The following PBX4 variants were observed in gnomAD, a reference collection of about 807,000 sequenced individuals.
PBX4 encodes the protein PBX homeobox 4.
In PBX4, 26 loss-of-function variants were observed where a neutral mutation model predicts 35.1. That is an observed-to-expected ratio of 0.74 (90% CI 0.54 to 1.03). The LOEUF is 1.03. PBX4 is among the 50% of genes least tolerant of loss of function. The pLI is 0.00. For synonymous variants in PBX4, 199 were observed against 204.2 expected, an observed-to-expected ratio of 0.97 and a Z score of 0.22; for missense variants, 448 against 504.3, an observed-to-expected ratio of 0.89 and a Z score of 1.07.
At chr19:19,575,399 C>T (rs1234647159) in intron 2 of PBX4, among the ~76,000 whole-genome samples, 1 of 152,138 alleles carries the variant, frequency 6.6e-6, no homozygotes, top group Non-Finnish European at 1.5e-5. Flanking sequence ...CACCCTTGGA[C>T]AGCCAGGTAA....
In PBX4 at chr19:19,607,203, G is replaced by A. The variant is rs536619627; in HGVS notation, c.120-7838C>T. On this transcript the variant is annotated intron_variant, in intron 1 of 7. Coordinates refer to ENST00000251203, the MANE Select transcript of PBX4 (RefSeq NM_025245.3). ...CAAGTAGCTGGGATTACAGGTATACGCCACCACTCCTGGCTAATTTTTATA... is the reference window on the plus strand; with the variant it reads ...CAAGTAGCTGGGATTACAGGTATACACCACCACTCCTGGCTAATTTTTATA... 5.6e-3 allele frequency among the ~76,000 whole-genome samples: 849 copies of A among 152,030 alleles called. 17 individuals are homozygous for A. The highest frequency in any genetic ancestry group is 4.5e-3 in the Non-Finnish European group (303 of 68,002).
chr19:19,609,469 A>C (rs983977508), intron 1 of PBX4, among the ~76,000 whole-genome samples: 5 of 149,116 alleles, frequency 3.4e-5, no homozygotes, highest in African/African-American at 1.0e-4. Context: ...GAATCGCTTG[A>C]ACCCGGGAGG....
intron 4 of PBX4, 58 bp downstream of exon 4, chr19:19,570,051 T>C (rs8108769): frequency 1.3e-6 from 2 of 1,510,802 alleles, no homozygotes; most frequent in Non-Finnish European, 1.8e-6. Flanking sequence ...GCCAGCACTA[T>C]TTCCCTCCAG....
At chr19:19,572,380 G>A (rs1792761466) in intron 2 of PBX4, among the ~76,000 whole-genome samples, 1 of 151,856 alleles carries the variant, frequency 6.6e-6, no homozygotes, top group African/African-American at 2.4e-5. Context: ...GCCAGAATCA[G>A]GCTATCTTAA....
chr19:19,569,199 C>T (rs933770951), intron 5 of PBX4, among the ~76,000 whole-genome samples: 1 of 152,178 alleles, frequency 6.6e-6, no homozygotes, highest in Non-Finnish European at 1.5e-5. Flanking sequence ...GCTGAGACCA[C>T]AGGTGCACAC....
intron 2 of PBX4, among the ~76,000 whole-genome samples, chr19:19,580,246 A>G (rs572613172): frequency 6.6e-6 from 1 of 152,310 alleles, no homozygotes; most frequent in South Asian, 2.1e-4. Flanking sequence ...AGGAGAAAAC[A>G]TGGGGACTTC....
intron 2 of PBX4, chr19:19,588,251 C>T (rs991755809): frequency 1.5e-6 from 2 of 1,319,590 alleles, no homozygotes; most frequent in African/African-American, 1.4e-5. Context: ...CACACAGAGC[C>T]CCGGTAAGAT....
At chr19:19,601,252 T>C (rs1479327323) in intron 1 of PBX4, among the ~76,000 whole-genome samples, 1 of 152,100 alleles carries the variant, frequency 6.6e-6, no homozygotes, top group Non-Finnish European at 1.5e-5. Flanking sequence ...GAGAGAGGTA[T>C]GGTTTAGGCA....
intron 2 of PBX4, among the ~76,000 whole-genome samples, chr19:19,588,946 G>A (rs917308764): frequency 1.6e-4 from 25 of 152,156 alleles, no homozygotes; most frequent in African/African-American, 5.8e-4. Flanking sequence ...GACCAGCCTG[G>A]GCAACACAGC....
At position 19,618,449 on chromosome 19, in the gene PBX4, C is replaced by T. The variant is rs748535511; in HGVS notation, c.119+62G>A. The T allele has an allele frequency of 1.1e-3, 1,422 of 1,344,544 alleles. 2 individuals are homozygous for T. Among genetic ancestry groups the T allele is most frequent in the South Asian group, 1.5e-3 (85 of 57,724 alleles). 83.3% of individuals were successfully genotyped at this position (1,344,544 alleles called of 1,614,324 possible). On this transcript the variant is annotated intron_variant, in intron 1 of 7. Coordinates refer to ENST00000251203, the MANE Select transcript of PBX4 (RefSeq NM_025245.3). ...CAGTCTGGCCTCCACGCCCCGTCCC[C>T]TCAGCCCGCCAACCTCACTGCCACG...
intron 2 of PBX4, among the ~76,000 whole-genome samples, chr19:19,572,750 A>T (rs2061392373): frequency 6.8e-6 from 1 of 147,078 alleles, no homozygotes; most frequent in Admixed American, 6.9e-5. Flanking sequence ...GCTACTTGGG[A>T]GGCTGAGGCA....
At chr19:19,570,880 A>G (rs1204260049) in intron 2 of PBX4, 47 bp from the exon 3 acceptor site, 2 of 1,597,062 alleles carry the variant, frequency 1.3e-6, no homozygotes, top group South Asian at 2.2e-5. Flanking sequence ...TTCTGGAGAG[A>G]AAACAAACCA....
In PBX4 at chr19:19,609,377, C is replaced by G. The variant is rs536988533; in HGVS notation, c.119+9134G>C. Among the ~76,000 whole-genome samples the G allele has an allele frequency of 7.3e-5, 11 of 151,518 alleles. 1 individual carries two copies. The highest frequency in any genetic ancestry group is 2.7e-4 in the African/African-American group (11 of 41,256). On this transcript the variant is annotated intron_variant, in intron 1 of 7. Transcript: ENST00000251203. ...CCAGCCTGACCAACATGGAGAAACC[C>G]CGTCTCTACTAAAAATACAAAATTA...
At chr19:19,577,082 C>G (rs1477016881) in intron 2 of PBX4, among the ~76,000 whole-genome samples, 2 of 151,722 alleles carry the variant, frequency 1.3e-5, no homozygotes, top group Admixed American at 6.6e-5. Flanking sequence ...ACAAAATTAG[C>G]TGAGCATGGT....
At chr19:19,605,607 CAG>C (rs1418830870) in intron 1 of PBX4, among the ~76,000 whole-genome samples, 1 of 151,626 alleles carries the variant, frequency 6.6e-6, no homozygotes, top group Admixed American at 6.6e-5. Flanking sequence ...GCCTGGGCGA[CAG>C]AGTGAGACCC....
At chr19:19,598,488 G>C (rs958200569) in intron 2 of PBX4, among the ~76,000 whole-genome samples, 2 of 151,632 alleles carry the variant, frequency 1.3e-5, no homozygotes, top group Admixed American at 6.6e-5. Flanking sequence ...GTAGAGATGG[G>C]GGTTTCACCA....
At chr19:19,598,503 G>A (rs1163451791) in intron 2 of PBX4, among the ~76,000 whole-genome samples, 2 of 151,798 alleles carry the variant, frequency 1.3e-5, no homozygotes, top group African/African-American at 4.8e-5. Flanking sequence ...TCACCATCTT[G>A]GCCAGGCTGG....
rs1464630454 is a variant in PBX4 at position 19,583,615 on chromosome 19, C to CA, written c.194-12783dup. On this transcript the variant is annotated intron_variant, in intron 2 of 7. Transcript: ENST00000251203. ...GACAAAGTAAGACCCCCTCTCCCAC[C>CA]AAAAAAAGATACAGAAAATTAACAA... 5.3e-5 allele frequency among the ~76,000 whole-genome samples: 8 copies of CA among 151,720 alleles called. No individual in the cohort carries two copies. The East Asian group carries it at 1.4e-3, about 26-fold the overall frequency.
chr19:19,610,303 C>T (rs2061656250), intron 1 of PBX4, among the ~76,000 whole-genome samples: 1 of 151,990 alleles, frequency 6.6e-6, no homozygotes, highest in African/African-American at 2.4e-5. Context: ...ATCCCAGCTA[C>T]TCGGAAGGCT....
Sources: gnomAD v4.1 joint callset for allele counts (sites outside exome capture counted in the v4.1 genomes callset) on GRCh38, gnomAD v4.1.1 for gene constraint, MANE v1.5 for transcripts, NCBI Gene and HGNC (gene_info 2026-07-23, HGNC 2026-07-21) for gene names.